Variants in HECW2 observed in about 807,000 individuals in gnomAD.
HECW2 encodes the protein E3 ubiquitin-protein ligase HECW2.
Under a neutral mutation model 175.2 loss-of-function variants are expected in HECW2, and 61 were observed. The observed-to-expected ratio is 0.35, with a 90% CI of 0.28 to 0.43. HECW2 has a LOEUF of 0.43. Ranked by LOEUF, HECW2 falls within the 20% of genes least tolerant of loss-of-function variation. The probability of loss-of-function intolerance (pLI) is 1.00; values close to 1 mark genes in which losing one functional copy is unlikely to be tolerated. For synonymous variants in HECW2, 671 were observed against 731.0 expected (o/e 0.92, Z 1.32); for missense variants, 1,524 against 2,000.5 (o/e 0.76, Z 4.54).
At chr2:196,203,671 C>G (rs1686953933) in intron 28 of HECW2, among the ~76,000 whole-genome samples, 1 of 152,188 alleles carries the variant, frequency 6.6e-6, no homozygotes, top group African/African-American at 2.4e-5. Context: ...GTTCATCTCT[C>G]TTGCCCGATT....
At chr2:196,296,686 G>A (rs1690828596) in intron 13 of HECW2, among the ~76,000 whole-genome samples, 1 of 152,160 alleles carries the variant, frequency 6.6e-6, no homozygotes, top group African/African-American at 2.4e-5. Flanking sequence ...AATTATAGGG[G>A]GAGGTGGAAG....
intron 17 of HECW2, among the ~76,000 whole-genome samples, chr2:196,258,259 T>C (rs1048386594): frequency 6.6e-6 from 1 of 152,238 alleles, no homozygotes; most frequent in Admixed American, 6.5e-5. Flanking sequence ...AGCGATATAG[T>C]CTTACGCTGA....
chr2:196,253,788 C>G, intron 19 of HECW2, 132 bp downstream of exon 19: 1 of 713,300 alleles, frequency 1.4e-6, no homozygotes, highest in Non-Finnish European at 2.3e-6. Flanking sequence ...AGGAAATGCA[C>G]ACGTGTATCT....
chr2:196,366,208 C>T (rs1693738707), intron 2 of HECW2, among the ~76,000 whole-genome samples: 3 of 152,114 alleles, frequency 2.0e-5, no homozygotes, highest in Admixed American at 2.0e-4. Flanking sequence ...TTTCCCAGAA[C>T]CCTGCACAAT....
chr2:196,593,034 G>A (rs1204106754), intron 1 of HECW2, among the ~76,000 whole-genome samples: 1 of 151,540 alleles, frequency 6.6e-6, no homozygotes, highest in Non-Finnish European at 1.5e-5. Context: ...ACGCGGCGCA[G>A]GGGCAGAGCG....
At chr2:196,290,546 C>A (rs985223391) in intron 14 of HECW2, 1 of 152,100 alleles carries the variant, frequency 6.6e-6, no homozygotes, top group Non-Finnish European at 1.5e-5. Flanking sequence ...CCCTGGACCT[C>A]TGATTCTCTA....
intron 20 of HECW2, among the ~76,000 whole-genome samples, chr2:196,241,585 C>A (rs1204780204): frequency 6.6e-6 from 1 of 152,186 alleles, no homozygotes; most frequent in Admixed American, 6.5e-5. Flanking sequence ...GGCCAAACAA[C>A]ATGATGATGT....
chr2:196,590,881 A>G (rs1691166424), intron 1 of HECW2, among the ~76,000 whole-genome samples: 1 of 152,222 alleles, frequency 6.6e-6, no homozygotes, highest in Non-Finnish European at 1.5e-5. Context: ...AAACAGAACC[A>G]GTGCTTACTT....
chr2:196,413,077 G>A (rs1330503774), intron 2 of HECW2, among the ~76,000 whole-genome samples: 1 of 152,204 alleles, frequency 6.6e-6, no homozygotes, highest in Non-Finnish European at 1.5e-5. Context: ...ATAGAGCTGG[G>A]CATGATAGCT....
chr2:196,356,357 AT>A (rs1693368332), intron 2 of HECW2, among the ~76,000 whole-genome samples: 1 of 152,244 alleles, frequency 6.6e-6, no homozygotes, highest in Non-Finnish European at 1.5e-5. Context: ...ACTTTCTGCA[AT>A]TTCCATTACC....
chr2:196,422,724 C>T (rs1441264222), intron 2 of HECW2, among the ~76,000 whole-genome samples: 2 of 152,104 alleles, frequency 1.3e-5, no homozygotes, highest in Admixed American at 6.6e-5. Flanking sequence ...ATGTTCAAAG[C>T]TCTTACTTTC....
chr2:196,469,654 T>C, intron 1 of HECW2, among the ~76,000 whole-genome samples: 1 of 152,002 alleles, frequency 6.6e-6, no homozygotes, highest in South Asian at 2.1e-4. Flanking sequence ...AAATTTTAAA[T>C]GTAGGTGGTA....
At chr2:196,258,326 C>T (rs17231279) in intron 17 of HECW2, among the ~76,000 whole-genome samples, 68,578 of 151,966 alleles carry the variant, frequency 0.45, 16,764 homozygotes, top group African/African-American at 0.65. Context: ...TTCCTGAGGC[C>T]ATACCTTTAA....
At chr2:196,225,066 A>G (rs868041527) in intron 23 of HECW2, among the ~76,000 whole-genome samples, 1 of 152,242 alleles carries the variant, frequency 6.6e-6, no homozygotes, top group Admixed American at 6.5e-5. Flanking sequence ...GTGCATTCTC[A>G]TCGCAAATTT....
rs528879703 is a variant in HECW2, at chr2:196,270,946, G to A, written c.3335+247C>T. Among the ~76,000 whole-genome samples, 4 of 152,044 alleles carry A rather than the reference G, an allele frequency of 2.6e-5. No homozygotes were observed. In the South Asian group the frequency reaches 8.3e-4, roughly 32 times the overall value. On this transcript the variant is annotated intron_variant, in intron 17 of 28. Coordinates refer to ENST00000644978, the MANE Select transcript of HECW2 (RefSeq NM_001348768.2). ...CTTGACCTCGTGATCTGCCTGCCTC[G>A]GCCTCCCCAAGTGCTGAGATTACAG...
chr2:196,465,973 G>A (rs933778899), intron 1 of HECW2, among the ~76,000 whole-genome samples: 1 of 152,062 alleles, frequency 6.6e-6, no homozygotes, highest in African/African-American at 2.4e-5. Context: ...CAAATATGTA[G>A]CTACAAAGTT....
chr2:196,529,654 T>C (rs1211090248), intron 1 of HECW2, among the ~76,000 whole-genome samples: 1 of 152,216 alleles, frequency 6.6e-6, no homozygotes, highest in Non-Finnish European at 1.5e-5. Flanking sequence ...CCTTCCCTTT[T>C]TGATGGCTGG....
At chr2:196,507,686 A>G (rs112756148) in intron 1 of HECW2, among the ~76,000 whole-genome samples, 40 of 152,336 alleles carry the variant, frequency 2.6e-4, no homozygotes, top group African/African-American at 9.1e-4. Context: ...TCACTGAGTT[A>G]AAACATTATT....
At chr2:196,380,622 A>G (rs1278214985) in intron 2 of HECW2, among the ~76,000 whole-genome samples, 1 of 152,156 alleles carries the variant, frequency 6.6e-6, no homozygotes, top group East Asian at 1.9e-4. Flanking sequence ...AGTCCTGCAA[A>G]TGGGGCTTTT....
Sources: allele counts gnomAD v4.1 joint callset (sites outside exome capture counted in the v4.1 genomes callset), GRCh38; gene constraint gnomAD v4.1.1; transcripts MANE v1.5; gene names NCBI Gene and HGNC (gene_info 2026-07-23, HGNC 2026-07-21).